Variants in ITCH observed in about 807,000 individuals in gnomAD.
The protein encoded by ITCH is E3 ubiquitin-protein ligase Itchy homolog.
ITCH carries 28 observed loss-of-function variants against 126.8 expected under a neutral mutation model. That is an observed-to-expected ratio of 0.22 (90% CI 0.16 to 0.30). ITCH has a LOEUF of 0.30. ITCH is among the 10% of genes least tolerant of loss of function. The pLI is 1.00. For synonymous variants in ITCH, 342 were observed against 340.0 expected (o/e 1.01, Z -0.06); for missense variants, 631 against 1,032.4 (o/e 0.61, Z 5.33).
At chr20:34,405,340 A>G (rs2146129617) in intron 3 of ITCH, among the ~76,000 whole-genome samples, 1 of 152,170 alleles carries the variant, frequency 6.6e-6, no homozygotes, top group African/African-American at 2.4e-5. Context: ...CCCCGTTTCT[A>G]CTAAAAATAC....
At chr20:34,432,167 C>A (rs1982393170) in intron 7 of ITCH, among the ~76,000 whole-genome samples, 1 of 151,004 alleles carries the variant, frequency 6.6e-6, no homozygotes, top group South Asian at 2.1e-4. Flanking sequence ...AAAGAAAAAT[C>A]AGGTTAACGC....
At chr20:34,435,822 G>A (rs1439166697) in intron 7 of ITCH, among the ~76,000 whole-genome samples, 1 of 152,162 alleles carries the variant, frequency 6.6e-6, no homozygotes, top group Non-Finnish European at 1.5e-5. Flanking sequence ...CCCAAGTGAG[G>A]CGTGAAGTGA....
intron 3 of ITCH, among the ~76,000 whole-genome samples, chr20:34,397,821 G>T (rs1313128090): frequency 2.0e-5 from 3 of 150,840 alleles, no homozygotes; most frequent in Non-Finnish European, 2.9e-5. Context: ...GCTTAAAGTT[G>T]AAAGCTTTTA....
rs377009226 is a variant in ITCH at position 34,498,271 on chromosome 20, T to G, written c.2416+5674T>G. Among the ~76,000 whole-genome samples, 14 of 152,312 alleles carry G rather than the reference T, an allele frequency of 9.2e-5. 1 individual carries two copies. In the East Asian group the frequency reaches 2.3e-3, roughly 25 times the overall value. On this transcript the variant is annotated intron_variant, in intron 23 of 24. Transcript: ENST00000374864. ...AGGTTTTCTGTATATAAGGTCATGT[T>G]GTCTGCGAACAGGTATAGTTCAACT...
chr20:34,438,055 G>C (rs1329973406), intron 7 of ITCH, among the ~76,000 whole-genome samples: 1 of 152,196 alleles, frequency 6.6e-6, no homozygotes, highest in Non-Finnish European at 1.5e-5. Flanking sequence ...AACCAGACCT[G>C]CCTCAAACTT....
chr20:34,422,336 T>G (rs1408228096), intron 6 of ITCH, among the ~76,000 whole-genome samples: 1 of 152,210 alleles, frequency 6.6e-6, no homozygotes, highest in Non-Finnish European at 1.5e-5. Flanking sequence ...TGAGAAGGTT[T>G]TAGAAGTAGC....
intron 16 of ITCH, among the ~76,000 whole-genome samples, chr20:34,473,030 A>G (rs1041203611): frequency 6.6e-6 from 1 of 152,244 alleles, no homozygotes; most frequent in Non-Finnish European, 1.5e-5. Flanking sequence ...TCTTTTGCAA[A>G]ATAACTGACT....
chr20:34,473,270 A>AT (rs924633348), intron 16 of ITCH, among the ~76,000 whole-genome samples: 3 of 152,052 alleles, frequency 2.0e-5, no homozygotes, highest in East Asian at 3.8e-4. Flanking sequence ...GGAGAAAACA[A>AT]TTTTTTTTCC....
chr20:34,487,089 C>G (rs1413979261), intron 20 of ITCH, among the ~76,000 whole-genome samples: 1 of 149,580 alleles, frequency 6.7e-6, no homozygotes, highest in African/African-American at 2.5e-5. Context: ...TTGGCTCACT[C>G]TAAGCTCCGC....
At chr20:34,386,361 T>C (rs73097037) in intron 2 of ITCH, among the ~76,000 whole-genome samples, 8,174 of 152,280 alleles carry the variant, frequency 0.054, 297 homozygotes, top group Middle Eastern at 0.11. Context: ...TAATGGGATC[T>C]AGTTTTTCAC....
chr20:34,442,026 C>T (rs553456268), intron 9 of ITCH, 182 bp from the exon 10 acceptor site: 88 of 629,338 alleles, frequency 1.4e-4, no homozygotes, highest in Non-Finnish European at 2.3e-4. Flanking sequence ...TCACTGTGTG[C>T]CACTGCCTGA....
chr20:34,414,834 A>G (rs779630123), intron 6 of ITCH, among the ~76,000 whole-genome samples: 2 of 152,136 alleles, frequency 1.3e-5, no homozygotes, highest in Non-Finnish European at 2.9e-5. Context: ...AGATCCATTT[A>G]CCATTCCCCT....
At chr20:34,496,371 A>C (rs1934379299) in intron 23 of ITCH, among the ~76,000 whole-genome samples, 1 of 152,170 alleles carries the variant, frequency 6.6e-6, no homozygotes, top group Non-Finnish European at 1.5e-5. Context: ...AATTGTTTGC[A>C]TATACTTTCT....
rs772128675 is a variant in ITCH, at chr20:34,480,643, A to G, written c.1863A>G (p.Pro621=). ...GKFIDTGFSL[P]FYKRILNKPV... Reference sequence around the variant, plus strand: ...TCATAGACACGGGTTTTTCTTTACCATTCTATAAGCGTATCTTGAACAAAC... The same window carrying G: ...TCATAGACACGGGTTTTTCTTTACCGTTCTATAAGCGTATCTTGAACAAAC... Residue 621 remains proline, a synonymous_variant, in exon 19 of 25, where the codon CCA becomes CCG. Transcript: ENST00000374864. The G allele has an allele frequency of 1.2e-6, 2 of 1,613,654 alleles. No homozygotes were observed. The highest frequency in any genetic ancestry group is 3.3e-5 in the Admixed American group (2 of 60,014).
intron 2 of ITCH, among the ~76,000 whole-genome samples, chr20:34,390,295 G>T (rs909262529): frequency 2.6e-5 from 4 of 152,144 alleles, no homozygotes; most frequent in Middle Eastern, 3.4e-3. Flanking sequence ...AGAAAGTGTG[G>T]CTTAGAGAAA....
At chr20:34,436,795 T>C (rs1362310177) in intron 7 of ITCH, among the ~76,000 whole-genome samples, 1 of 152,220 alleles carries the variant, frequency 6.6e-6, no homozygotes, top group African/African-American at 2.4e-5. Flanking sequence ...AGAAAGGCCC[T>C]AAAGGATTTC....
At chr20:34,398,124 G>A (rs570450800) in intron 3 of ITCH, among the ~76,000 whole-genome samples, 12 of 151,904 alleles carry the variant, frequency 7.9e-5, no homozygotes, top group Admixed American at 2.6e-4. Flanking sequence ...GTGCAGCAGC[G>A]TGATCATGGC....
At chr20:34,410,065 A>G (rs1407842540) in intron 4 of ITCH, among the ~76,000 whole-genome samples, 1 of 151,576 alleles carries the variant, frequency 6.6e-6, no homozygotes, top group Non-Finnish European at 1.5e-5. Flanking sequence ...CAAAAAAAAA[A>G]AAGAAGAAAA....
chr20:34,456,286 A>G (rs1440811015), intron 12 of ITCH, among the ~76,000 whole-genome samples: 2 of 116,226 alleles, frequency 1.7e-5, no homozygotes, highest in Non-Finnish European at 3.3e-5. Flanking sequence ...GTGCAGTGGC[A>G]TGATCTCAGC....
Sources: allele counts gnomAD v4.1 joint callset (sites outside exome capture counted in the v4.1 genomes callset), GRCh38; gene constraint gnomAD v4.1.1; transcripts MANE v1.5; gene names NCBI Gene and HGNC (gene_info 2026-07-23, HGNC 2026-07-21).